Variants in ATXN10 observed in about 807,000 individuals in gnomAD.
ATXN10 encodes the protein ataxin 10.
In ATXN10, 28 loss-of-function variants were observed where a neutral mutation model predicts 52.9. The observed-to-expected ratio is 0.53, with a 90% CI of 0.39 to 0.73. The LOEUF (loss-of-function observed/expected upper bound fraction) is 0.73. ATXN10 is among the 30% of genes least tolerant of loss of function. The pLI, the probability that ATXN10 is intolerant of heterozygous loss-of-function variation, is 0.00. For synonymous variants in ATXN10, 226 were observed against 221.5 expected, an observed-to-expected ratio of 1.02 and a Z score of -0.18; for missense variants, 565 against 577.0, an observed-to-expected ratio of 0.98 and a Z score of 0.21.
rs1178882701 is a variant in ATXN10, at chr22:45,718,324, G to A, written c.648-89G>A. 1 of 948,542 alleles carries A rather than the reference G, an allele frequency of 1.1e-6. No homozygotes were observed. The highest frequency in any genetic ancestry group is 2.4e-5 in the East Asian group (1 of 41,734). 58.8% of individuals were successfully genotyped at this position (948,542 alleles called of 1,614,324 possible). ...AAATTCACTGAAAAGAAATGCTTTT[G>A]TGTGTAAGTGGTGCCTATAAAGTAG... is the stretch of plus-strand genomic sequence containing the variant. On this transcript the variant is annotated intron_variant, in intron 5 of 11. Transcript: ENST00000252934. The surrounding 1 kb of genome is among the most constrained non-coding windows in gnomAD (Gnocchi z 4.4).
chr22:45,793,375 TG>T (rs1392049391), intron 9 of ATXN10: 2 of 260,778 alleles, frequency 7.7e-6, no homozygotes, highest in Non-Finnish European at 1.4e-5. Flanking sequence ...TGTGCTTTTC[TG>T]CTGTCCATCA....
chr22:45,698,297 CTCTT>C (rs1404873264), intron 3 of ATXN10, among the ~76,000 whole-genome samples: 6 of 152,192 alleles, frequency 3.9e-5, no homozygotes, highest in South Asian at 2.1e-4. Flanking sequence ...TCCTTGCTGA[CTCTT>C]TCTTTCTGTG....
In ATXN10 at chr22:45,766,043, A is replaced by C. The variant is rs1926570826; in HGVS notation, c.1173+25505A>C. Among the ~76,000 whole-genome samples the C allele has an allele frequency of 6.6e-6, 1 of 152,240 alleles. No individual in the cohort carries two copies. The highest frequency in any genetic ancestry group is 2.1e-4 in the South Asian group (1 of 4,836). On this transcript the variant is annotated intron_variant, in intron 9 of 11. Coordinates refer to ENST00000252934, the MANE Select transcript of ATXN10 (RefSeq NM_013236.4). This position sits in a 1 kb window ranked among gnomAD's most constrained non-coding sequence, Gnocchi z 4.6. The stretch of plus-strand genomic sequence containing the variant: ...GAAGGGGCTGACAGGCTAATGGGGC[A>C]CAGTAGAAAAATGCAGAAATAGATT...
rs371748675 is a variant in ATXN10 at position 45,794,193 on chromosome 22, T to C, written c.1174-12766T>C. On this transcript the variant is annotated intron_variant, in intron 9 of 11. Transcript: ENST00000252934. Reference sequence around the variant, plus strand: ...TCCACCCCTGACCTACCTGTTTTAGTTAGTCCTCAATTTGGTCAGGTGTCT... The same window carrying C: ...TCCACCCCTGACCTACCTGTTTTAGCTAGTCCTCAATTTGGTCAGGTGTCT... Among the ~76,000 whole-genome samples the C allele has an allele frequency of 1.7e-4, 26 of 152,316 alleles. No homozygotes were observed. The East Asian group carries it at 4.1e-3, about 24-fold the overall frequency.
At chr22:45,742,543 A>G (rs1925575707) in intron 9 of ATXN10, among the ~76,000 whole-genome samples, 1 of 148,780 alleles carries the variant, frequency 6.7e-6, no homozygotes, top group South Asian at 2.1e-4. Flanking sequence ...AAAAAAAAAA[A>G]TACCGAATGT....
At chr22:45,834,903 A>G (rs752035208) in intron 10 of ATXN10, among the ~76,000 whole-genome samples, 5 of 152,180 alleles carry the variant, frequency 3.3e-5, no homozygotes, top group Non-Finnish European at 7.4e-5. Flanking sequence ...TCCAACTGGA[A>G]CTACTTCATG....
chr22:45,799,163 C>T lies in ATXN10; in HGVS notation c.1174-7796C>T, dbSNP rs1043964178. On this transcript the variant is annotated intron_variant, in intron 9 of 11. Transcript: ENST00000252934. ...TCAGCTCACTGCAACCCCCGCCTCC[C>T]GGGTTCAAGAGATTCTCCTGCCTCA... 7.2e-5 allele frequency among the ~76,000 whole-genome samples: 11 copies of T among 152,084 alleles called. No homozygotes were observed. In the East Asian group the frequency reaches 1.2e-3, roughly 16 times the overall value.
At chr22:45,834,343 G>A (rs713781) in intron 10 of ATXN10, among the ~76,000 whole-genome samples, 6 of 151,860 alleles carry the variant, frequency 4.0e-5, no homozygotes, top group Admixed American at 2.0e-4. Flanking sequence ...ACACTTCCCC[G>A]GTTTCTACTG....
rs900841726 is a variant in ATXN10, at chr22:45,754,388, A to T, written c.1173+13850A>T. On this transcript the variant is annotated intron_variant, in intron 9 of 11. Transcript: ENST00000252934. This position sits in a 1 kb window ranked among gnomAD's most constrained non-coding sequence, Gnocchi z 5.4. Reference sequence around the variant, plus strand: ...CATTTATTGTGAGGATTAAATTACTATTGATGACAGCAGTCACAGTGACCT... The same window carrying T: ...CATTTATTGTGAGGATTAAATTACTTTTGATGACAGCAGTCACAGTGACCT... Among the ~76,000 whole-genome samples the T allele has an allele frequency of 2.6e-5, 4 of 152,204 alleles. No homozygotes were observed. Among genetic ancestry groups the T allele is most frequent in the African/African-American group, 9.6e-5 (4 of 41,452 alleles).
At chr22:45,813,290 T>C (rs1928344453) in intron 10 of ATXN10, among the ~76,000 whole-genome samples, 1 of 152,120 alleles carries the variant, frequency 6.6e-6, no homozygotes, top group African/African-American at 2.4e-5. Flanking sequence ...TCTTTCATTC[T>C]TTTTTGATCT....
intron 9 of ATXN10, chr22:45,793,443 G>A (rs1011646616): frequency 3.1e-5 from 18 of 571,734 alleles, no homozygotes; most frequent in Non-Finnish European, 4.6e-5. Flanking sequence ...AACAATGGTA[G>A]CAGAGTCCAC....
At chr22:45,692,559 T>C (rs1036813567) in intron 2 of ATXN10, among the ~76,000 whole-genome samples, 2 of 152,230 alleles carry the variant, frequency 1.3e-5, no homozygotes, top group African/African-American at 4.8e-5. Context: ...CCAGTATTTC[T>C]GAGCCAGTCA....
At chr22:45,799,114 C>T (rs561109881) in intron 9 of ATXN10, among the ~76,000 whole-genome samples, 88 of 151,202 alleles carry the variant, frequency 5.8e-4, no homozygotes, top group Non-Finnish European at 1.0e-3. Context: ...GAGTTTCACT[C>T]TTGTTACTCA....
At position 45,817,792 on chromosome 22, in the gene ATXN10, C is replaced by T. The variant is rs577754456; in HGVS notation, c.1237+10770C>T. Among the ~76,000 whole-genome samples the T allele has an allele frequency of 3.9e-5, 6 of 152,224 alleles. No homozygotes were observed. The East Asian group carries it at 5.8e-4, about 15-fold the overall frequency. On this transcript the variant is annotated intron_variant, in intron 10 of 11. Transcript: ENST00000252934. ...TGTATGAGTGAAGGGAGCTGATTGC[C>T]GGGTGCAGGACTGTGAGATGAATTG...
chr22:45,740,719 C>CAT (rs1555891806), intron 9 of ATXN10, 181 bp downstream of exon 9: 27 of 339,528 alleles, frequency 8.0e-5, no homozygotes, highest in African/African-American at 2.7e-4. Flanking sequence ...CACACACACA[C>CAT]ATATATATAC....
chr22:45,672,124 C>G lies in ATXN10; in HGVS notation c.61C>G (p.Gln21Glu). 9.1e-6 allele frequency: 14 copies of G among 1,540,758 alleles called. No homozygotes were observed. The highest frequency in any genetic ancestry group is 1.2e-5 in the Non-Finnish European group (14 of 1,145,720). ...LSGVMVPAPI[Q>E]DLEALRALTA... ...GGGCGTCATGGTGCCGGCGCCCATCCAAGACCTGGAGGCCCTGCGCGCGCT... is the reference window on the plus strand; with the variant it reads ...GGGCGTCATGGTGCCGGCGCCCATCGAAGACCTGGAGGCCCTGCGCGCGCT... The change falls in exon 1 of 12, where the codon CAA (glutamine) becomes GAA (glutamate). Residue 21 changes from glutamine to glutamate, a missense_variant. Transcript: ENST00000252934.
rs1928065072 is a variant in ATXN10 at position 45,805,329 on chromosome 22, C to G, written c.1174-1630C>G. Among the ~76,000 whole-genome samples the G allele has an allele frequency of 6.6e-6, 1 of 152,144 alleles. No individual in the cohort carries two copies. The highest frequency in any genetic ancestry group is 1.5e-5 in the Non-Finnish European group (1 of 68,014). On this transcript the variant is annotated intron_variant, in intron 9 of 11. Transcript: ENST00000252934. The surrounding 1 kb of genome is among the most constrained non-coding windows in gnomAD (Gnocchi z 4.4). ...CTCAAATGTTTATAACTCATATGAT[C>G]TAGCAGTTTGACTCCTAGGTATATA... is the stretch of plus-strand genomic sequence containing the variant.
intron 9 of ATXN10, among the ~76,000 whole-genome samples, chr22:45,791,107 C>G (rs1331155952): frequency 6.6e-6 from 1 of 152,252 alleles, no homozygotes; most frequent in Non-Finnish European, 1.5e-5. Context: ...CAGCCTCCCT[C>G]TTTGGCCTCC....
chr22:45,700,448 A>C (rs1236067917), intron 4 of ATXN10, 70 bp downstream of exon 4: 3 of 1,325,896 alleles, frequency 2.3e-6, no homozygotes, highest in Admixed American at 1.8e-5. Context: ...TTTTATATAA[A>C]GTTCGAAAAC....
Sources: allele counts gnomAD v4.1 joint callset (sites outside exome capture counted in the v4.1 genomes callset), GRCh38; gene constraint gnomAD v4.1.1; non-coding constraint Gnocchi (gnomAD v3.1); transcripts MANE v1.5; gene names NCBI Gene and HGNC (gene_info 2026-07-23, HGNC 2026-07-21).